Variants in DCC observed in about 807,000 individuals in gnomAD.
DCC encodes the protein netrin receptor DCC.
A neutral mutation model predicts 172.5 loss-of-function variants in DCC; 58 were observed. The observed-to-expected ratio is 0.34, with a 90% CI of 0.27 to 0.42. The LOEUF (loss-of-function observed/expected upper bound fraction) is 0.42. Ranked by LOEUF, DCC falls within the 10% of genes least tolerant of loss-of-function variation. The pLI is 1.00. For synonymous variants in DCC, 709 were observed against 644.5 expected (o/e 1.10, Z -1.52); for missense variants, 1,740 against 1,791.0 (o/e 0.97, Z 0.51).
intron 1 of DCC, among the ~76,000 whole-genome samples, chr18:52,726,545 C>T (rs2036554598): frequency 6.6e-6 from 1 of 152,194 alleles, no homozygotes; most frequent in African/African-American, 2.4e-5. Flanking sequence ...ATACTTCTCC[C>T]TTCCTTCTCT....
At chr18:52,627,854 C>T (rs1213486880) in intron 1 of DCC, among the ~76,000 whole-genome samples, 5 of 152,180 alleles carry the variant, frequency 3.3e-5, no homozygotes, top group Admixed American at 6.5e-5. Flanking sequence ...CTCTTTCTCT[C>T]TCTCTCTAGT....
At chr18:52,850,617 A>G (rs1303701654) in intron 2 of DCC, among the ~76,000 whole-genome samples, 7 of 152,098 alleles carry the variant, frequency 4.6e-5, no homozygotes, top group Admixed American at 3.9e-4. Flanking sequence ...CCTCCTTGAC[A>G]GTTTTTTTCC....
intron 7 of DCC, among the ~76,000 whole-genome samples, chr18:53,141,558 T>C (rs1466573008): frequency 6.6e-6 from 1 of 152,204 alleles, no homozygotes; most frequent in Non-Finnish European, 1.5e-5. Flanking sequence ...TCTGTGATCA[T>C]TTTACCCTGG....
At chr18:52,661,925 AAAAGTGTTC>A (rs763477410) in intron 1 of DCC, among the ~76,000 whole-genome samples, 4 of 152,238 alleles carry the variant, frequency 2.6e-5, no homozygotes, top group Non-Finnish European at 5.9e-5. Flanking sequence ...AATAATAAGA[AAAAGTGTTC>A]AGAAATTAAA....
At chr18:53,398,799 C>T (rs1057381872) in intron 18 of DCC, among the ~76,000 whole-genome samples, 1 of 152,030 alleles carries the variant, frequency 6.6e-6, no homozygotes, top group East Asian at 1.9e-4. Flanking sequence ...AAGATACTAA[C>T]TTTTAGAAAT....
At chr18:53,413,919 C>T (rs924155850) in intron 20 of DCC, among the ~76,000 whole-genome samples, 7 of 152,142 alleles carry the variant, frequency 4.6e-5, no homozygotes, top group African/African-American at 1.7e-4. Context: ...ACATACTGTC[C>T]TTTCTCAACA....
intron 7 of DCC, among the ~76,000 whole-genome samples, chr18:53,098,317 G>A (rs752889203): frequency 6.6e-6 from 1 of 151,982 alleles, no homozygotes; most frequent in East Asian, 1.9e-4. Flanking sequence ...ACCTTACTAA[G>A]ATTTTGCCGA....
intron 12 of DCC, among the ~76,000 whole-genome samples, chr18:53,227,234 C>G (rs2056047951): frequency 6.6e-6 from 1 of 151,734 alleles, no homozygotes; most frequent in Non-Finnish European, 1.5e-5. Context: ...GTGTGAGCCA[C>G]CATGTCTGGC....
At chr18:52,934,810 G>A (rs1003319720) in intron 5 of DCC, 1 of 152,140 alleles carries the variant, frequency 6.6e-6, no homozygotes, top group Non-Finnish European at 1.5e-5. Context: ...CCCTTGCACA[G>A]AGAGAAAAGG....
rs367883098 is a variant in DCC, at chr18:53,063,309, G to C, written c.990G>C (p.Pro330=). 2 of 1,612,148 alleles carry C rather than the reference G, an allele frequency of 1.2e-6. No individual in the cohort carries two copies. Among genetic ancestry groups the C allele is most frequent in the East Asian group, 2.2e-5 (1 of 44,802 alleles). The change falls in exon 6 of 29, where the codon CCG becomes CCC. Residue 330 remains proline (P), a synonymous_variant. Coordinates refer to ENST00000442544, the MANE Select transcript of DCC (RefSeq NM_005215.4). Reference sequence around the variant, plus strand: ...TTTTTTTTTCTGTCTTTGCAGTTCCGCCATGGTTTTTAAATCATCCTTCCA... The same window carrying C: ...TTTTTTTTTCTGTCTTTGCAGTTCCCCCATGGTTTTTAAATCATCCTTCCA... ...SASAELTVLV[P]PWFLNHPSNL...
At chr18:52,517,163 A>G (rs562826134) in intron 1 of DCC, among the ~76,000 whole-genome samples, 1 of 152,358 alleles carries the variant, frequency 6.6e-6, no homozygotes, top group Admixed American at 6.5e-5. Flanking sequence ...AGGGTGCCAG[A>G]AGCAATCTGT....
intron 16 of DCC, among the ~76,000 whole-genome samples, chr18:53,387,364 CTT>C (rs1908236843): frequency 6.6e-6 from 1 of 152,152 alleles, no homozygotes; most frequent in African/African-American, 2.4e-5. Flanking sequence ...ATTGTAGTCT[CTT>C]TGAATCTTTG....
At chr18:53,131,953 ATTTTTTTTTT>A (rs71175556) in intron 7 of DCC, among the ~76,000 whole-genome samples, 15 of 58,278 alleles carry the variant, frequency 2.6e-4, no homozygotes, top group Admixed American at 8.7e-4. Context: ...TCTCTAAGTG[ATTTTTTTTTT>A]TTTTTTTTTT....
intron 2 of DCC, among the ~76,000 whole-genome samples, chr18:52,874,771 A>C (rs2145391258): frequency 6.6e-6 from 1 of 152,306 alleles, no homozygotes; most frequent in South Asian, 2.1e-4. Flanking sequence ...TTATATTTAG[A>C]GGTCATAGAG....
intron 2 of DCC, among the ~76,000 whole-genome samples, chr18:52,890,094 A>G (rs953001979): frequency 6.6e-6 from 1 of 152,160 alleles, no homozygotes; most frequent in Non-Finnish European, 1.5e-5. Flanking sequence ...TGAAACTAAG[A>G]TCTATGCAAT....
intron 5 of DCC, among the ~76,000 whole-genome samples, chr18:52,983,434 G>C (rs1033932651): frequency 6.6e-6 from 1 of 152,132 alleles, no homozygotes; most frequent in Non-Finnish European, 1.5e-5. Flanking sequence ...CTGGGAAAAT[G>C]GGCAGTGACA....
intron 2 of DCC, among the ~76,000 whole-genome samples, chr18:52,761,324 A>G (rs543602938): frequency 6.6e-6 from 1 of 152,316 alleles, no homozygotes; most frequent in East Asian, 1.9e-4. Context: ...CCCTCCCACA[A>G]CATATGGTAA....
At chr18:53,129,035 T>C (rs568921941) in intron 7 of DCC, among the ~76,000 whole-genome samples, 1 of 151,824 alleles carries the variant, frequency 6.6e-6, no homozygotes, top group South Asian at 2.1e-4. Context: ...TACAGGCATA[T>C]GCCACCATGC....
At chr18:52,779,183 C>T (rs1392920880) in intron 2 of DCC, among the ~76,000 whole-genome samples, 1 of 151,874 alleles carries the variant, frequency 6.6e-6, no homozygotes, top group Non-Finnish European at 1.5e-5. Flanking sequence ...ACTTTAAGTT[C>T]TGGGATACAT....
Sources: gnomAD v4.1 joint callset for allele counts (sites outside exome capture counted in the v4.1 genomes callset) on GRCh38, gnomAD v4.1.1 for gene constraint, MANE v1.5 for transcripts, NCBI Gene and HGNC (gene_info 2026-07-23, HGNC 2026-07-21) for gene names.